The following MAP3K7 variants were observed in gnomAD, a reference collection of about 807,000 sequenced individuals.
MAP3K7 encodes the protein mitogen-activated protein kinase kinase kinase 7.
Under a neutral mutation model 84.8 loss-of-function variants are expected in MAP3K7, and 21 were observed. That is an observed-to-expected ratio of 0.25 (90% confidence interval 0.18 to 0.36). MAP3K7 has a LOEUF of 0.36. MAP3K7 is among the 10% of genes least tolerant of loss of function. MAP3K7 has a pLI of 1.00. For synonymous variants in MAP3K7, 241 were observed against 247.7 expected (o/e 0.97, Z 0.25); for missense variants, 503 against 747.7 (o/e 0.67, Z 3.82).
At position 90,576,209 on chromosome 6, in the gene MAP3K7, G is replaced by T. The variant is rs143967938; in HGVS notation, c.121-4402C>A. Among the ~76,000 whole-genome samples the T allele has an allele frequency of 5.0e-3, 761 of 151,980 alleles. 8 individuals carry two copies. The highest frequency in any genetic ancestry group is 0.018 in the African/African-American group (726 of 41,470). On this transcript the variant is annotated intron_variant, in intron 1 of 16. Coordinates refer to ENST00000369329, the MANE Select transcript of MAP3K7 (RefSeq NM_145331.3). ...GAGGCTGAGGCAGGCGGATCACGAG[G>T]TCAGGAGATTGAGACCATCCTGGCT...
chr6:90,557,095 TA>T (rs1776360641), intron 5 of MAP3K7, among the ~76,000 whole-genome samples: 1 of 152,226 alleles, frequency 6.6e-6, no homozygotes. Context: ...AAGATACTTC[TA>T]AAAATGTTCA....
At chr6:90,581,992 T>C (rs559716962) in intron 1 of MAP3K7, among the ~76,000 whole-genome samples, 31 of 152,334 alleles carry the variant, frequency 2.0e-4, no homozygotes, top group Admixed American at 1.0e-3. Flanking sequence ...TATATACAAA[T>C]GCTGCAGTAA....
chr6:90,585,054 G>A (rs1777397888), intron 1 of MAP3K7, among the ~76,000 whole-genome samples: 2 of 152,168 alleles, frequency 1.3e-5, no homozygotes, highest in South Asian at 4.1e-4. Flanking sequence ...TTCCTAATAT[G>A]TGTCAGGCCC....
intron 1 of MAP3K7, among the ~76,000 whole-genome samples, chr6:90,584,117 T>C (rs1471388933): frequency 1.3e-5 from 2 of 152,212 alleles, no homozygotes; most frequent in Admixed American, 1.3e-4. Context: ...TACATGATTT[T>C]CTTAATTTAG....
rs572495197 is a variant in MAP3K7 at position 90,570,946 on chromosome 6, T to G, written c.231+751A>C. Among the ~76,000 whole-genome samples, 3 of 152,312 alleles carry G rather than the reference T, an allele frequency of 2.0e-5. No individual in the cohort carries two copies. In the East Asian group the frequency reaches 5.8e-4, roughly 29 times the overall value. Reference sequence around the variant, plus strand: ...AGCATTTCTCAACTCATTCAGCCACTTACAAATCACTTTCTCATATCACAA... The same window carrying G: ...AGCATTTCTCAACTCATTCAGCCACGTACAAATCACTTTCTCATATCACAA... On this transcript the variant is annotated intron_variant, in intron 2 of 16. Transcript: ENST00000369329.
intron 1 of MAP3K7, 87 bp downstream of exon 1, chr6:90,586,677 C>A: frequency 6.7e-7 from 1 of 1,502,386 alleles, no homozygotes; most frequent in Non-Finnish European, 8.9e-7. Context: ...TTAGAGGGGC[C>A]CCGGGAGGCA....
chr6:90,577,498 T>C (rs1406141615), intron 1 of MAP3K7, among the ~76,000 whole-genome samples: 2 of 150,482 alleles, frequency 1.3e-5, no homozygotes, highest in East Asian at 1.9e-4. Context: ...AAAAATAATA[T>C]GGAGATAGTG....
chr6:90,526,466 T>C (rs921615169), intron 13 of MAP3K7, among the ~76,000 whole-genome samples: 1 of 152,100 alleles, frequency 6.6e-6, no homozygotes, highest in Non-Finnish European at 1.5e-5. Context: ...AACTCATTGG[T>C]CAAAGAAGAA....
At chr6:90,534,359 T>G (rs1034240858) in intron 13 of MAP3K7, among the ~76,000 whole-genome samples, 4 of 152,176 alleles carry the variant, frequency 2.6e-5, no homozygotes, top group African/African-American at 9.6e-5. Flanking sequence ...GCCACTCTCA[T>G]GCCAAGCTGA....
At chr6:90,558,659 T>C (rs756207824) in intron 5 of MAP3K7, among the ~76,000 whole-genome samples, 3 of 152,212 alleles carry the variant, frequency 2.0e-5, no homozygotes, top group Non-Finnish European at 4.4e-5. Flanking sequence ...GTTGATTAAA[T>C]AAACCTAAAA....
chr6:90,563,615 G>A (rs919211348), intron 3 of MAP3K7, among the ~76,000 whole-genome samples: 12 of 152,188 alleles, frequency 7.9e-5, no homozygotes, highest in African/African-American at 2.7e-4. Flanking sequence ...GAAAGTGATG[G>A]AGAGAATGGA....
chr6:90,560,032 A>G (rs1015428938), intron 5 of MAP3K7, 44 bp downstream of exon 5: 3 of 1,612,438 alleles, frequency 1.9e-6, no homozygotes, highest in South Asian at 2.2e-5. Context: ...AGAGTGAGAG[A>G]GAAGGAGGAA....
intron 6 of MAP3K7, among the ~76,000 whole-genome samples, chr6:90,555,047 T>C (rs551854926): frequency 6.7e-4 from 102 of 152,306 alleles, no homozygotes; most frequent in African/African-American, 2.4e-3. Flanking sequence ...TTTATGGGCA[T>C]TTACACTTCC....
chr6:90,553,362 T>TA, intron 7 of MAP3K7, 96 bp downstream of exon 7: 1 of 1,184,596 alleles, frequency 8.4e-7, no homozygotes, highest in Non-Finnish European at 1.2e-6. Context: ...ATTTTAATGT[T>TA]AGAGATAAAT....
At chr6:90,530,248 TG>T (rs1243869033) in intron 13 of MAP3K7, among the ~76,000 whole-genome samples, 1 of 152,192 alleles carries the variant, frequency 6.6e-6, no homozygotes, top group African/African-American at 2.4e-5. Context: ...GTTTGTGACA[TG>T]TAAGAATCAG....
At chr6:90,521,789 T>A (rs1775159472) in intron 14 of MAP3K7, among the ~76,000 whole-genome samples, 1 of 152,096 alleles carries the variant, frequency 6.6e-6, no homozygotes, top group East Asian at 1.9e-4. Flanking sequence ...GTGTGTCTTT[T>A]TGAATACCCA....
At position 90,516,649 on chromosome 6, in the gene MAP3K7, T is replaced by G; in HGVS notation, c.1673A>C (p.Glu558Ala). The G allele has an allele frequency of 6.2e-7, 1 of 1,609,206 alleles. No homozygotes were observed. ...QELVAELDQDEKDQQNTSRLV... is the reference protein window; with the variant it reads ...QELVAELDQDAKDQQNTSRLV... The stretch of plus-strand genomic sequence containing the variant: ...GCGAGATGTATTTTGCTGGTCCTTT[T>G]CATCCTGGTCCAGTTCTGCAACTAG... Residue 558 changes from glutamate (E) to alanine (A), a missense_variant, in exon 17 of 17, where the codon GAA becomes GCA. Physicochemically the swap from Glu to Ala is moderately radical, Grantham distance 107. Around this residue, in one of 5 missense-constraint regions of MAP3K7, gnomAD observed 36 missense variants for 74.5 expected, o/e 0.48. Transcript: ENST00000369329.
chr6:90,583,439 A>G (rs914307797), intron 1 of MAP3K7, among the ~76,000 whole-genome samples: 6 of 152,290 alleles, frequency 3.9e-5, no homozygotes, highest in African/African-American at 1.4e-4. Flanking sequence ...CTGGCAAGTC[A>G]AACTCTATGA....
chr6:90,565,754 C>A (rs1776680729), intron 3 of MAP3K7, among the ~76,000 whole-genome samples: 1 of 151,986 alleles, frequency 6.6e-6, no homozygotes, highest in Non-Finnish European at 1.5e-5. Flanking sequence ...GGCATAAAAA[C>A]AACAAAAAAA....
Sources: allele counts gnomAD v4.1 joint callset (sites outside exome capture counted in the v4.1 genomes callset), GRCh38; gene constraint gnomAD v4.1.1; regional missense constraint gnomAD v4.1.1; transcripts MANE v1.5; gene names NCBI Gene and HGNC (gene_info 2026-07-23, HGNC 2026-07-21).